KIAA0232: variants seen among roughly 807,000 people sequenced by gnomAD.
KIAA0232 encodes the protein KIAA0232, also known as uncharacterized protein KIAA0232.
A neutral mutation model predicts 122.0 loss-of-function variants in KIAA0232; 27 were observed. That is an observed-to-expected ratio of 0.22 (90% confidence interval 0.16 to 0.31). The LOEUF (loss-of-function observed/expected upper bound fraction) is 0.31, where lower values mean the gene tolerates loss of function less well. Ranked by LOEUF, KIAA0232 falls within the 10% of genes least tolerant of loss-of-function variation. The probability of loss-of-function intolerance (pLI) is 1.00; values close to 1 mark genes in which losing one functional copy is unlikely to be tolerated. For synonymous variants in KIAA0232, 613 were observed against 587.6 expected (o/e 1.04, Z -0.63); for missense variants, 1,551 against 1,634.2 (o/e 0.95, Z 0.88).
At chr4:6,837,206 C>T (rs991882133) in intron 3 of KIAA0232, among the ~76,000 whole-genome samples, 4 of 150,086 alleles carry the variant, frequency 2.7e-5, no homozygotes, top group South Asian at 2.1e-4. Context: ...GGGCGGCTGC[C>T]GGGCGGAGGG....
chr4:6,844,767 T>A (rs1719864247), intron 4 of KIAA0232, among the ~76,000 whole-genome samples: 1 of 152,188 alleles, frequency 6.6e-6, no homozygotes, highest in African/African-American at 2.4e-5. Context: ...TGTTGCTTCA[T>A]ACAGCATGGG....
intron 1 of KIAA0232, among the ~76,000 whole-genome samples, chr4:6,799,840 G>A (rs1231847671): frequency 2.0e-5 from 3 of 151,514 alleles, no homozygotes; most frequent in Non-Finnish European, 2.9e-5. Flanking sequence ...GACTACAGGT[G>A]CCCGCCACCA....
At chr4:6,819,796 C>T (rs1577371297) in intron 2 of KIAA0232, among the ~76,000 whole-genome samples, 1 of 152,128 alleles carries the variant, frequency 6.6e-6, no homozygotes, top group East Asian at 1.9e-4. Flanking sequence ...CACATGTACT[C>T]ATATGTTCAT....
rs776249560 is a variant in KIAA0232 at position 6,861,538 on chromosome 4, C to A, written c.1156C>A (p.Leu386Met). 6 of 1,613,986 alleles carry A rather than the reference C, an allele frequency of 3.7e-6. No individual in the cohort carries two copies. The highest frequency in any genetic ancestry group is 4.2e-6 in the Non-Finnish European group (5 of 1,180,000). Residue 386 changes from leucine to methionine, a missense_variant, in exon 7 of 10, where the codon CTG (leucine) becomes ATG (methionine). Around this residue, in one of 5 missense-constraint regions of KIAA0232, gnomAD observed 377 missense variants for 381.7 expected, o/e 0.99. Transcript: ENST00000307659. ...TCCTGGGAGCACTGAAGGAAAAGACCTGTACATGGAGAATAGAAAGGACAC... is the reference window on the plus strand; with the variant it reads ...TCCTGGGAGCACTGAAGGAAAAGACATGTACATGGAGAATAGAAAGGACAC... The part of the protein sequence containing the change: ...KDPGSTEGKD[L>M]YMENRKDTEY...
At chr4:6,854,022 T>C (rs1720437283) in intron 4 of KIAA0232, among the ~76,000 whole-genome samples, 1 of 152,154 alleles carries the variant, frequency 6.6e-6, no homozygotes, top group Admixed American at 6.5e-5. Flanking sequence ...GGCCATGAAG[T>C]CCAGGGAGAA....
chr4:6,863,626 A>G lies in KIAA0232; in HGVS notation c.3244A>G (p.Ser1082Gly). 2 of 1,614,216 alleles carry G rather than the reference A, an allele frequency of 1.2e-6. No individual in the cohort carries two copies. Among genetic ancestry groups the G allele is most frequent in the Non-Finnish European group, 1.7e-6 (2 of 1,180,032 alleles). The change falls in exon 7 of 10, where the codon AGT becomes GGT. Residue 1082 changes from serine (S) to glycine (G), a missense_variant. Ser to Gly is a moderately conservative substitution (Grantham distance 56, BLOSUM62 0). Transcript: ENST00000307659. ...ATCAATCCTCTGTTCTGATTCAGAC[A>G]GTGAAGTGTTTCACCCCAGGATATG... Reference protein sequence around the residue: ...PKSILCSDSDSEVFHPRICGV... With the variant: ...PKSILCSDSDGEVFHPRICGV...
chr4:6,863,868 C>T lies in KIAA0232; in HGVS notation c.3486C>T (p.Gly1162=), dbSNP rs770864409. 1.3e-5 allele frequency: 21 copies of T among 1,613,896 alleles called. 1 individual carries two copies. The Admixed American group carries it at 3.5e-4, about 27-fold the overall frequency. The change falls in exon 7 of 10, where the codon GGC becomes GGT. Residue 1162 remains glycine (G), a synonymous_variant. Coordinates refer to ENST00000307659, the MANE Select transcript of KIAA0232 (RefSeq NM_014743.3). ...TGGAAGAAGATGCAGAGAAAGAAGG[C>T]CATTACTATGGAAAATCAGAGCTTG... The part of the protein sequence containing the change: ...KPLEEDAEKE[G]HYYGKSELES...
At chr4:6,836,227 G>A (rs1367610665) in intron 3 of KIAA0232, among the ~76,000 whole-genome samples, 1 of 152,106 alleles carries the variant, frequency 6.6e-6, no homozygotes, top group Non-Finnish European at 1.5e-5. Context: ...CAGTGATGAT[G>A]AGCATTTTTT....
rs1263026561 is a variant in KIAA0232, at chr4:6,786,844, G to A, written c.-354+4003G>A. ...CCTGCATTGCTGACTGTGAATCACC[G>A]ACCCATTTTTTGGGCAGAGGGAACC... On this transcript the variant is annotated intron_variant, in intron 1 of 9. Coordinates refer to ENST00000307659, the MANE Select transcript of KIAA0232 (RefSeq NM_014743.3). Among the ~76,000 whole-genome samples, 6 of 152,192 alleles carry A rather than the reference G, an allele frequency of 3.9e-5. No individual in the cohort carries two copies. In the East Asian group the frequency reaches 9.6e-4, roughly 24 times the overall value.
intron 2 of KIAA0232, among the ~76,000 whole-genome samples, chr4:6,818,025 C>T (rs1196768962): frequency 6.6e-6 from 1 of 152,034 alleles, no homozygotes; most frequent in Non-Finnish European, 1.5e-5. Flanking sequence ...AATTTTTTCT[C>T]CTTTTACTTT....
At chr4:6,813,351 G>GTTTTTTTTT (rs539648260) in intron 2 of KIAA0232, among the ~76,000 whole-genome samples, 4 of 140,702 alleles carry the variant, frequency 2.8e-5, no homozygotes, top group African/African-American at 5.2e-5. Flanking sequence ...ACTTAGATCT[G>GTTTTTTTTT]TTTTTTTTTT....
At chr4:6,840,913 G>A (rs559266045) in intron 3 of KIAA0232, among the ~76,000 whole-genome samples, 1 of 152,068 alleles carries the variant, frequency 6.6e-6, no homozygotes, top group South Asian at 2.1e-4. Flanking sequence ...ATTTCTTTAA[G>A]CTGTGATTAA....
chr4:6,844,157 GTC>G (rs1209860532), intron 4 of KIAA0232, among the ~76,000 whole-genome samples: 1 of 151,492 alleles, frequency 6.6e-6, no homozygotes, highest in Non-Finnish European at 1.5e-5. Context: ...AGCCAGGATG[GTC>G]TCCATCTCCT....
intron 3 of KIAA0232, among the ~76,000 whole-genome samples, chr4:6,829,207 T>C (rs1404633253): frequency 6.6e-6 from 1 of 152,182 alleles, no homozygotes; most frequent in African/African-American, 2.4e-5. Flanking sequence ...TAGCATTGCA[T>C]AATGATGTTT....
rs528463964 is a variant in KIAA0232, at chr4:6,879,311, C to G, written c.4009-1476C>G. On this transcript the variant is annotated intron_variant, in intron 9 of 9. Coordinates refer to ENST00000307659, the MANE Select transcript of KIAA0232 (RefSeq NM_014743.3). ...ATAGGAAAGTGAAGCACAAAAACAT[C>G]AGGCGCCGTGTATCCGAGGCCAGAG... Among the ~76,000 whole-genome samples, 16 of 152,288 alleles carry G rather than the reference C, an allele frequency of 1.1e-4. No individual in the cohort carries two copies. The South Asian group carries it at 3.3e-3, about 32-fold the overall frequency.
chr4:6,790,760 T>C (rs191642239), intron 1 of KIAA0232, among the ~76,000 whole-genome samples: 2 of 152,204 alleles, frequency 1.3e-5, no homozygotes, highest in Admixed American at 1.3e-4. Flanking sequence ...GGAGAGAAAG[T>C]TGAAATAGAG....
intron 3 of KIAA0232, among the ~76,000 whole-genome samples, chr4:6,827,151 C>T (rs1195519721): frequency 6.6e-6 from 1 of 152,206 alleles, no homozygotes; most frequent in Non-Finnish European, 1.5e-5. Context: ...CCAAGTCCCA[C>T]GCCAATGAAG....
intron 3 of KIAA0232, among the ~76,000 whole-genome samples, chr4:6,833,112 C>T (rs1719078626): frequency 2.0e-5 from 3 of 152,180 alleles, no homozygotes; most frequent in African/African-American, 7.2e-5. Context: ...AAGCTAGCAT[C>T]TGCGGTGTTT....
At chr4:6,842,368 A>G (rs890799495) in intron 4 of KIAA0232, among the ~76,000 whole-genome samples, 164 bp downstream of exon 4, 2 of 152,054 alleles carry the variant, frequency 1.3e-5, no homozygotes, top group Non-Finnish European at 2.9e-5. Context: ...ATTTTTCTAT[A>G]TTTTCTGAAG....
Sources: gnomAD v4.1 joint callset for allele counts (sites outside exome capture counted in the v4.1 genomes callset) on GRCh38, gnomAD v4.1.1 for gene constraint, gnomAD v4.1.1 regional missense constraint, MANE v1.5 for transcripts, NCBI Gene and HGNC (gene_info 2026-07-23, HGNC 2026-07-21) for gene names.